Variants in GPR107 observed in about 807,000 individuals in gnomAD.
The protein encoded by GPR107 is G protein-coupled receptor 107, also known as protein GPR107.
A neutral mutation model predicts 75.5 loss-of-function variants in GPR107; 31 were observed. The observed-to-expected ratio is 0.41, with a 90% CI of 0.31 to 0.55. GPR107 has a LOEUF of 0.55. Ranked by LOEUF, GPR107 falls within the 20% of genes least tolerant of loss-of-function variation. The pLI, the probability that GPR107 is intolerant of heterozygous loss-of-function variation, is 0.26. For synonymous variants in GPR107, 267 were observed against 251.3 expected, an observed-to-expected ratio of 1.06 and a Z score of -0.59; for missense variants, 572 against 665.7, an observed-to-expected ratio of 0.86 and a Z score of 1.55.
At chr9:130,094,966 C>T (rs1830828286) in intron 9 of GPR107, among the ~76,000 whole-genome samples, 1 of 152,138 alleles carries the variant, frequency 6.6e-6, no homozygotes, top group African/African-American at 2.4e-5. Flanking sequence ...CAGGCGTGAG[C>T]CACTGCGCCC....
intron 5 of GPR107, among the ~76,000 whole-genome samples, chr9:130,081,600 G>A (rs1341711557): frequency 6.6e-6 from 1 of 151,700 alleles, no homozygotes; most frequent in East Asian, 1.9e-4. Context: ...TTGGACCAGG[G>A]AGATGGAGTT....
intron 15 of GPR107, among the ~76,000 whole-genome samples, chr9:130,126,549 C>T (rs984116806): frequency 7.9e-5 from 12 of 151,972 alleles, no homozygotes; most frequent in Non-Finnish European, 1.5e-4. Context: ...GGGTTTTCTC[C>T]GTGTTGGTCA....
intron 7 of GPR107, among the ~76,000 whole-genome samples, chr9:130,086,915 C>CA (rs1372832257): frequency 6.6e-6 from 1 of 152,104 alleles, no homozygotes; most frequent in Non-Finnish European, 1.5e-5. Flanking sequence ...GCTTAGCTGT[C>CA]AGAGTTATTA....
At chr9:130,125,214 T>C (rs1834566519) in intron 15 of GPR107, among the ~76,000 whole-genome samples, 1 of 149,212 alleles carries the variant, frequency 6.7e-6, no homozygotes, top group Non-Finnish European at 1.5e-5. Flanking sequence ...TCCGAGTAGC[T>C]GGGATTACAG....
intron 1 of GPR107, among the ~76,000 whole-genome samples, chr9:130,071,185 T>C (rs983479674): frequency 4.0e-5 from 6 of 150,440 alleles, no homozygotes; most frequent in African/African-American, 1.5e-4. Flanking sequence ...CCACCACAAC[T>C]GGCTAATTTT....
chr9:130,123,352 C>T (rs565910206), intron 14 of GPR107, among the ~76,000 whole-genome samples: 32 of 152,036 alleles, frequency 2.1e-4, no homozygotes, highest in African/African-American at 7.7e-4. Context: ...TACAGGCGCC[C>T]ACCACCATGT....
chr9:130,062,636 G>A (rs368528331), intron 1 of GPR107, among the ~76,000 whole-genome samples: 8 of 99,742 alleles, frequency 8.0e-5, no homozygotes, highest in Non-Finnish European at 1.6e-4. Context: ...CTGCCTTCCT[G>A]CCTGCCTGCC....
In GPR107 at chr9:130,104,496, C is replaced by G. The variant is rs1448896871; in HGVS notation, c.1208C>G (p.Ser403Cys). 2 of 1,613,490 alleles carry G rather than the reference C, an allele frequency of 1.2e-6. No homozygotes were observed. The highest frequency in any genetic ancestry group is 1.7e-5 in the Admixed American group (1 of 60,006). ...ACTGAATATGGCTTGTGGAAGGACTCTCTATTTCTGGTCGACCTGTTGTGT... is the reference window on the plus strand; with the variant it reads ...ACTGAATATGGCTTGTGGAAGGACTGTCTATTTCTGGTCGACCTGTTGTGT... The part of the protein sequence containing the change: ...GTTEYGLWKD[S>C]LFLVDLLCCG... Residue 403 changes from serine to cysteine, a missense_variant, in exon 13 of 18, where the codon TCT (serine) becomes TGT (cysteine). By Grantham distance (112) the Ser-to-Cys change is moderately radical (BLOSUM62 -1). Transcript: ENST00000347136.
In GPR107 at chr9:130,054,013, G is replaced by C; in HGVS notation, c.81G>C (p.Leu27=). Residue 27 remains leucine (L), a synonymous_variant, in exon 1 of 18, where the codon CTG becomes CTC. Transcript: ENST00000347136. ...CGGGCCTCCGGCTGCTCCCAATGCT[G>C]GGTTTGCTGCAGTTGCTGGCCGAGC... ...LAAGLRLLPM[L]GLLQLLAEPG... is the part of the protein sequence containing the mutation. 1.3e-6 allele frequency: 2 copies of C among 1,554,488 alleles called. No individual in the cohort carries two copies. The highest frequency in any genetic ancestry group is 1.7e-6 in the Non-Finnish European group (2 of 1,149,186).
At chr9:130,083,236 G>A (rs568425) in intron 5 of GPR107, 169,545 of 170,140 alleles carry the variant, frequency 1, 84,480 homozygotes, top group Non-Finnish European at 1. Flanking sequence ...CTTAAAAATT[G>A]TGTTTTCAAA....
intron 8 of GPR107, 100 bp downstream of exon 8, chr9:130,091,083 A>C: frequency 3.0e-6 from 2 of 663,334 alleles, no homozygotes; most frequent in Non-Finnish European, 5.3e-6. Flanking sequence ...TTAAGAAAAG[A>C]ATGTGGGCAG....
At chr9:130,092,957 A>G (rs926430159) in intron 9 of GPR107, among the ~76,000 whole-genome samples, 1 of 152,144 alleles carries the variant, frequency 6.6e-6, no homozygotes, top group Non-Finnish European at 1.5e-5. Flanking sequence ...AATAGACTGT[A>G]TAAGCTAAGT....
At chr9:130,095,821 G>A (rs1435369455) in intron 9 of GPR107, among the ~76,000 whole-genome samples, 3 of 152,108 alleles carry the variant, frequency 2.0e-5, no homozygotes, top group African/African-American at 4.8e-5. Context: ...ATGTTTTCCC[G>A]GGAGTCTTAG....
intron 3 of GPR107, among the ~76,000 whole-genome samples, chr9:130,076,973 CGCCTCCCTCGTTCAAGTGATTCTTCT>C (rs2132562651): frequency 6.6e-6 from 1 of 151,822 alleles, no homozygotes; most frequent in Non-Finnish European, 1.5e-5. Context: ...CTGCAACCTC[CGCCTCCCTCGTTCAAGTGATTCTTCT>C]GCCTCATCCT....
chr9:130,073,837 C>A (rs1444963026), intron 1 of GPR107, among the ~76,000 whole-genome samples: 1 of 152,238 alleles, frequency 6.6e-6, no homozygotes, highest in African/African-American at 2.4e-5. Context: ...CTCACTGCAA[C>A]CTCTGCTTCC....
At chr9:130,078,755 G>A (rs1193141540) in intron 4 of GPR107, among the ~76,000 whole-genome samples, 1 of 152,198 alleles carries the variant, frequency 6.6e-6, no homozygotes, top group Admixed American at 6.5e-5. Context: ...ACAGAGAGCA[G>A]GCTCCTCCTC....
chr9:130,127,627 G>A (rs1831719476), intron 16 of GPR107, 61 bp downstream of exon 16: 2 of 879,596 alleles, frequency 2.3e-6, no homozygotes, highest in Admixed American at 1.8e-5. Context: ...GTCTTGAAGT[G>A]TAACTTAACA....
At chr9:130,060,909 C>A (rs1313921436) in intron 1 of GPR107, among the ~76,000 whole-genome samples, 1 of 152,162 alleles carries the variant, frequency 6.6e-6, no homozygotes, top group Non-Finnish European at 1.5e-5. Context: ...ATATTAGAAG[C>A]CTTCCTCGCT....
chr9:130,129,779 G>C (rs145495818), intron 17 of GPR107: 1 of 152,198 alleles, frequency 6.6e-6, no homozygotes, highest in Non-Finnish European at 1.5e-5. Flanking sequence ...CCTAAGACGC[G>C]GTGTGTTTAT....
Sources: allele counts gnomAD v4.1 joint callset (sites outside exome capture counted in the v4.1 genomes callset), GRCh38; gene constraint gnomAD v4.1.1; transcripts MANE v1.5; gene names NCBI Gene and HGNC (gene_info 2026-07-23, HGNC 2026-07-21).